ATG5: variants seen among roughly 807,000 people sequenced by gnomAD.
ATG5 encodes the protein autophagy related 5, also known as autophagy protein 5.
Under a neutral mutation model 36.5 loss-of-function variants are expected in ATG5, and 14 were observed. The ratio of observed to expected loss-of-function variants is 0.38; its 90% CI spans 0.25 to 0.60. The LOEUF (loss-of-function observed/expected upper bound fraction) is 0.60, where lower values mean the gene tolerates loss of function less well. Ranked by LOEUF, ATG5 falls within the 20% of genes least tolerant of loss-of-function variation. The probability of loss-of-function intolerance (pLI) is 0.60; values close to 1 mark genes in which losing one functional copy is unlikely to be tolerated. For synonymous variants in ATG5, 95 were observed against 101.5 expected (o/e 0.94, Z 0.38); for missense variants, 195 against 326.7 (o/e 0.60, Z 3.11).
chr6:106,265,359 C>A, intron 5 of ATG5, among the ~76,000 whole-genome samples: 1 of 152,150 alleles, frequency 6.6e-6, no homozygotes, highest in East Asian at 1.9e-4. Context: ...AAAACAAGTT[C>A]TTCAAGATCT....
At chr6:106,314,192 G>GA (rs1181906026) in intron 2 of ATG5, among the ~76,000 whole-genome samples, 1 of 152,084 alleles carries the variant, frequency 6.6e-6, no homozygotes, top group Non-Finnish European at 1.5e-5. Context: ...GGTCTATAAA[G>GA]AAAAAATACT....
chr6:106,309,033 C>A (rs1187921198), intron 2 of ATG5, among the ~76,000 whole-genome samples: 1 of 150,992 alleles, frequency 6.6e-6, no homozygotes, highest in Non-Finnish European at 1.5e-5. Context: ...GAAAAGGTAC[C>A]CAAAAATAAA....
At chr6:106,278,297 G>A (rs1769975) in intron 5 of ATG5, among the ~76,000 whole-genome samples, 13,006 of 152,182 alleles carry the variant, frequency 0.085, 587 homozygotes, top group South Asian at 0.13. Flanking sequence ...AAGAGTGCTT[G>A]CTTTCTCAAC....
At chr6:106,324,671 A>G (rs1053223880) in intron 1 of ATG5, among the ~76,000 whole-genome samples, 3 of 152,262 alleles carry the variant, frequency 2.0e-5, no homozygotes, top group East Asian at 1.9e-4. Context: ...ATACAGTTCC[A>G]TTCTGTACAC....
intron 7 of ATG5, among the ~76,000 whole-genome samples, chr6:106,192,217 G>C (rs546680960): frequency 6.6e-6 from 1 of 150,940 alleles, no homozygotes; most frequent in African/African-American, 2.4e-5. Context: ...TTTAGGTAAG[G>C]TTATTTTTTT....
At chr6:106,273,901 C>A (rs148565473) in intron 5 of ATG5, among the ~76,000 whole-genome samples, 189 of 152,260 alleles carry the variant, frequency 1.2e-3, no homozygotes, top group African/African-American at 4.3e-3. Flanking sequence ...TATAAAATTA[C>A]CATTAGCTAA....
At chr6:106,213,920 G>C (rs1201704019) in intron 6 of ATG5, among the ~76,000 whole-genome samples, 1 of 152,038 alleles carries the variant, frequency 6.6e-6, no homozygotes. Flanking sequence ...AACCAAGAAA[G>C]GTAACAGTAT....
chr6:106,234,232 T>C (rs963271222), intron 6 of ATG5, among the ~76,000 whole-genome samples: 2 of 152,060 alleles, frequency 1.3e-5, no homozygotes, highest in African/African-American at 2.4e-5. Flanking sequence ...TAAAACTACA[T>C]GAAACCCTCC....
intron 5 of ATG5, among the ~76,000 whole-genome samples, chr6:106,268,240 A>T (rs145762102): frequency 1.0e-3 from 157 of 152,370 alleles, no homozygotes; most frequent in African/African-American, 2.7e-3. Flanking sequence ...GGCACTTCTC[A>T]AAAGAAGACA....
At chr6:106,254,937 G>A (rs1183356638) in intron 5 of ATG5, among the ~76,000 whole-genome samples, 4 of 152,218 alleles carry the variant, frequency 2.6e-5, no homozygotes, top group Non-Finnish European at 5.9e-5. Flanking sequence ...ATAATTGGGA[G>A]AATAAAAGCC....
chr6:106,222,733 G>C (rs976635042), intron 6 of ATG5, among the ~76,000 whole-genome samples: 1 of 152,180 alleles, frequency 6.6e-6, no homozygotes, highest in African/African-American at 2.4e-5. Context: ...TCAAATCCTG[G>C]CTCTTCTAAT....
intron 5 of ATG5, among the ~76,000 whole-genome samples, chr6:106,254,625 G>A (rs764810506): frequency 1.3e-5 from 2 of 152,200 alleles, no homozygotes; most frequent in African/African-American, 2.4e-5. Flanking sequence ...TTTAATAGTT[G>A]TGTGAGTTTT....
intron 3 of ATG5, among the ~76,000 whole-genome samples, chr6:106,297,740 AC>A (rs1380778149): frequency 6.8e-6 from 1 of 146,656 alleles, no homozygotes. Context: ...ACACACACAC[AC>A]ACACACACAC....
At chr6:106,222,906 A>G (rs1777306622) in intron 6 of ATG5, among the ~76,000 whole-genome samples, 1 of 152,252 alleles carries the variant, frequency 6.6e-6, no homozygotes, top group African/African-American at 2.4e-5. Flanking sequence ...AATAAAGCGC[A>G]ATAAATGTTA....
intron 4 of ATG5, among the ~76,000 whole-genome samples, chr6:106,282,215 A>G (rs1214991045): frequency 6.6e-6 from 1 of 152,144 alleles, no homozygotes; most frequent in East Asian, 1.9e-4. Context: ...AGGTGCTACA[A>G]TTTCTTGTCC....
chr6:106,297,894 A>C (rs1770030040), intron 3 of ATG5, among the ~76,000 whole-genome samples: 1 of 151,852 alleles, frequency 6.6e-6, no homozygotes, highest in Non-Finnish European at 1.5e-5. Context: ...AACATGGCAA[A>C]ACCCTGTCTC....
At chr6:106,212,510 G>T (rs1205702674) in intron 6 of ATG5, among the ~76,000 whole-genome samples, 1 of 152,146 alleles carries the variant, frequency 6.6e-6, no homozygotes, top group Non-Finnish European at 1.5e-5. Flanking sequence ...GCTGTGGCGG[G>T]TGCTTGTAAT....
chr6:106,196,642 G>C (rs548705514), intron 7 of ATG5, among the ~76,000 whole-genome samples: 1 of 151,838 alleles, frequency 6.6e-6, no homozygotes, highest in Non-Finnish European at 1.5e-5. Flanking sequence ...AAGATTGCTT[G>C]AACCTGGGAG....
intron 1 of ATG5, among the ~76,000 whole-genome samples, chr6:106,321,101 A>G (rs1364811541): frequency 1.3e-5 from 2 of 152,176 alleles, no homozygotes; most frequent in Non-Finnish European, 2.9e-5. Context: ...TTGAAATCAG[A>G]CTGACATGGG....
Sources: gnomAD v4.1 joint callset for allele counts (sites outside exome capture counted in the v4.1 genomes callset) on GRCh38, gnomAD v4.1.1 for gene constraint, MANE v1.5 for transcripts, NCBI Gene and HGNC (gene_info 2026-07-23, HGNC 2026-07-21) for gene names.